Variants in BRINP1 observed in about 807,000 individuals in gnomAD.
BRINP1 encodes the protein BMP/retinoic acid-inducible neural-specific protein 1.
Under a neutral mutation model 72.9 loss-of-function variants are expected in BRINP1, and 17 were observed. The observed-to-expected ratio is 0.23, with a 90% CI of 0.16 to 0.35. The LOEUF is 0.35. BRINP1 is among the 10% of genes least tolerant of loss of function. BRINP1 has a pLI of 1.00. For synonymous variants in BRINP1, 418 were observed against 378.5 expected (o/e 1.10, Z -1.21); for missense variants, 850 against 1,001.6 (o/e 0.85, Z 2.04).
chr9:119,230,580 G>A (rs1206950160), intron 5 of BRINP1, among the ~76,000 whole-genome samples: 1 of 151,942 alleles, frequency 6.6e-6, no homozygotes, highest in African/African-American at 2.4e-5. Flanking sequence ...AGAAGAGAGT[G>A]AGGATGTCAT....
intron 2 of BRINP1, among the ~76,000 whole-genome samples, chr9:119,255,878 C>T (rs1320664977): frequency 1.4e-5 from 2 of 141,848 alleles, no homozygotes; most frequent in East Asian, 4.6e-4. Flanking sequence ...TCTCTTGAAC[C>T]CGGGAGGCGG....
At position 119,166,907 on chromosome 9, in the gene BRINP1, C is replaced by A; in HGVS notation, c.*177G>T. On this transcript the variant is annotated 3_prime_UTR_variant, in exon 8 of 8. Coordinates refer to ENST00000265922, the MANE Select transcript of BRINP1 (RefSeq NM_014618.3). ...GTATAGAAATAACAAACATGCCCAACGCTTTTATACAGTTGCTAGAACGTT... is the reference window on the plus strand; with the variant it reads ...GTATAGAAATAACAAACATGCCCAAAGCTTTTATACAGTTGCTAGAACGTT... 1.5e-6 allele frequency: 1 copy of A among 667,778 alleles called. No homozygotes were observed. The highest frequency in any genetic ancestry group is 2.5e-6 in the Non-Finnish European group (1 of 404,828). 41.4% of individuals were successfully genotyped at this position (667,778 alleles called of 1,614,324 possible).
At chr9:119,169,714 C>A (rs1459818716) in intron 7 of BRINP1, among the ~76,000 whole-genome samples, 1 of 152,240 alleles carries the variant, frequency 6.6e-6, no homozygotes, top group Non-Finnish European at 1.5e-5. Flanking sequence ...GTAACCTCTG[C>A]AGACTTAAAT....
intron 1 of BRINP1, among the ~76,000 whole-genome samples, chr9:119,351,912 G>A (rs1831511565): frequency 1.3e-5 from 2 of 151,714 alleles, no homozygotes; most frequent in Admixed American, 1.3e-4. Context: ...CGCCTCCTGG[G>A]TTCAAGCCTC....
chr9:119,217,402 C>G (rs1228284879), intron 5 of BRINP1, among the ~76,000 whole-genome samples: 1 of 151,972 alleles, frequency 6.6e-6, no homozygotes, highest in African/African-American at 2.4e-5. Flanking sequence ...GAGAAAAGGG[C>G]TACTGTTATT....
chr9:119,283,296 G>T (rs893672419), intron 2 of BRINP1: 20 of 540,658 alleles, frequency 3.7e-5, no homozygotes, highest in Admixed American at 1.3e-4. Context: ...CTCCAGCCCT[G>T]CCCCAGACAG....
chr9:119,312,358 C>T (rs551379185), intron 2 of BRINP1, among the ~76,000 whole-genome samples: 43 of 152,278 alleles, frequency 2.8e-4, no homozygotes, highest in African/African-American at 1.0e-3. Context: ...GAAATGAATT[C>T]TGTATAGGTC....
chr9:119,204,001 G>A (rs977635671), intron 7 of BRINP1, among the ~76,000 whole-genome samples: 4 of 152,204 alleles, frequency 2.6e-5, no homozygotes, highest in Admixed American at 2.6e-4. Flanking sequence ...GCTAAGCTGT[G>A]TAAAAGTCTC....
chr9:119,225,623 C>G (rs1319649440), intron 5 of BRINP1, among the ~76,000 whole-genome samples: 3 of 151,754 alleles, frequency 2.0e-5, no homozygotes, highest in African/African-American at 7.3e-5. Context: ...GACCCAGAAC[C>G]CACGGATATG....
intron 2 of BRINP1, among the ~76,000 whole-genome samples, chr9:119,261,839 T>TTCTC (rs758865052): frequency 6.0e-4 from 90 of 151,166 alleles, no homozygotes; most frequent in Non-Finnish European, 1.2e-3. Context: ...TCTTCTTTCT[T>TTCTC]TCTCCTCTCT....
intron 1 of BRINP1, among the ~76,000 whole-genome samples, chr9:119,321,700 C>T (rs10122020): frequency 0.03 from 4,530 of 152,180 alleles, 239 homozygotes; most frequent in African/African-American, 0.1. Flanking sequence ...AGCCATCCTC[C>T]CCCCTTGGCC....
chr9:119,200,202 T>C (rs192072633), intron 7 of BRINP1, among the ~76,000 whole-genome samples: 53 of 152,342 alleles, frequency 3.5e-4, no homozygotes, highest in East Asian at 1.9e-4. Flanking sequence ...GTTTTTTGAA[T>C]GGCTATTGTG....
chr9:119,354,007 G>T (rs1831533013), intron 1 of BRINP1, among the ~76,000 whole-genome samples: 1 of 151,460 alleles, frequency 6.6e-6, no homozygotes, highest in Non-Finnish European at 1.5e-5. Flanking sequence ...AGAGAATGAG[G>T]GAGAGAGAAA....
At chr9:119,328,855 C>T (rs957527778) in intron 1 of BRINP1, among the ~76,000 whole-genome samples, 2 of 151,938 alleles carry the variant, frequency 1.3e-5, no homozygotes, top group Admixed American at 6.6e-5. Flanking sequence ...CAAGGATGTG[C>T]CAGCTGAAAG....
At chr9:119,239,864 CAT>C (rs1173598992) in intron 4 of BRINP1, among the ~76,000 whole-genome samples, 1 of 151,942 alleles carries the variant, frequency 6.6e-6, no homozygotes, top group Non-Finnish European at 1.5e-5. Flanking sequence ...AAAATAATAA[CAT>C]ATTTATTATT....
At chr9:119,171,805 ACTAGAAC>A (rs1239686020) in intron 7 of BRINP1, among the ~76,000 whole-genome samples, 1 of 118,106 alleles carries the variant, frequency 8.5e-6, no homozygotes, top group Admixed American at 9.1e-5. Flanking sequence ...GTGCAATCAA[ACTAGAAC>A]TCAGGATTAA....
chr9:119,190,117 G>C (rs891152842), intron 7 of BRINP1, among the ~76,000 whole-genome samples: 1 of 151,750 alleles, frequency 6.6e-6, no homozygotes, highest in African/African-American at 2.4e-5. Flanking sequence ...AAAATATCTT[G>C]ATACAAATAA....
Position 119,226,729 on chromosome 9 carries a change from C to T in BRINP1, c.685+11926G>A, listed in dbSNP as rs987222324. Among the ~76,000 whole-genome samples, 6 of 151,914 alleles carry T rather than the reference C, an allele frequency of 3.9e-5. No homozygotes were observed. The South Asian group carries it at 1.0e-3, about 26-fold the overall frequency. ...AGAATATGAGAATAATTATGGAAATCGGTCACACCTACACAAGTTGGCAAG... is the reference window on the plus strand; with the variant it reads ...AGAATATGAGAATAATTATGGAAATTGGTCACACCTACACAAGTTGGCAAG... On this transcript the variant is annotated intron_variant, in intron 5 of 7. Transcript: ENST00000265922.
chr9:119,231,113 ACAT>A (rs1830145537), intron 5 of BRINP1, among the ~76,000 whole-genome samples: 1 of 152,122 alleles, frequency 6.6e-6, no homozygotes, highest in Non-Finnish European at 1.5e-5. Flanking sequence ...AAACTAAGAC[ACAT>A]CATCAATAAT....
Sources: allele counts gnomAD v4.1 joint callset (sites outside exome capture counted in the v4.1 genomes callset), GRCh38; gene constraint gnomAD v4.1.1; transcripts MANE v1.5; gene names NCBI Gene and HGNC (gene_info 2026-07-23, HGNC 2026-07-21).